The following GMDS variants were observed in gnomAD, a reference collection of about 807,000 sequenced individuals.
GMDS encodes GDP-mannose 4,6-dehydratase.
Under a neutral mutation model 49.9 loss-of-function variants are expected in GMDS, and 20 were observed. That is an observed-to-expected ratio of 0.40 (90% CI 0.28 to 0.58). The LOEUF is 0.58. GMDS is among the 20% of genes least tolerant of loss of function. GMDS has a pLI of 0.42. For synonymous variants in GMDS, 177 were observed against 178.6 expected, an observed-to-expected ratio of 0.99 and a Z score of 0.07; for missense variants, 362 against 481.4, an observed-to-expected ratio of 0.75 and a Z score of 2.32.
intron 4 of GMDS, among the ~76,000 whole-genome samples, chr6:2,038,962 G>C (rs561946194): frequency 6.6e-6 from 1 of 152,294 alleles, no homozygotes; most frequent in East Asian, 1.9e-4. Flanking sequence ...CATAACAGCG[G>C]GGATACATTC....
At chr6:1,758,717 C>A (rs1768049335) in intron 7 of GMDS, among the ~76,000 whole-genome samples, 1 of 152,190 alleles carries the variant, frequency 6.6e-6, no homozygotes, top group African/African-American at 2.4e-5. Context: ...AACTCTGTGT[C>A]TAGAGCTTGG....
At chr6:1,651,305 G>A (rs895693901) in intron 9 of GMDS, among the ~76,000 whole-genome samples, 2 of 152,224 alleles carry the variant, frequency 1.3e-5, no homozygotes, top group East Asian at 1.9e-4. Flanking sequence ...TGGTGTGAGG[G>A]AGCAGCCTGG....
At chr6:2,213,674 C>T (rs190057986) in intron 1 of GMDS, among the ~76,000 whole-genome samples, 1 of 152,216 alleles carries the variant, frequency 6.6e-6, no homozygotes, top group East Asian at 1.9e-4. Flanking sequence ...AACTAACCCA[C>T]ATAAGGAGAA....
intron 7 of GMDS, among the ~76,000 whole-genome samples, chr6:1,891,783 C>A (rs1759882545): frequency 6.6e-6 from 1 of 152,174 alleles, no homozygotes; most frequent in Non-Finnish European, 1.5e-5. Flanking sequence ...AGTGTTTTAA[C>A]AAGACTACCA....
intron 7 of GMDS, among the ~76,000 whole-genome samples, chr6:1,746,668 G>A (rs75827891): frequency 6.6e-6 from 1 of 150,850 alleles, no homozygotes; most frequent in African/African-American, 2.5e-5. Context: ...CCAATTTGGA[G>A]AAGTAAAAAT....
chr6:2,112,181 T>A (rs1476946107), intron 4 of GMDS, among the ~76,000 whole-genome samples: 10 of 152,244 alleles, frequency 6.6e-5, no homozygotes, highest in Non-Finnish European at 1.3e-4. Flanking sequence ...CTATGTACAA[T>A]TCAGAAAAAG....
At chr6:1,668,499 C>G (rs1764304797) in intron 9 of GMDS, among the ~76,000 whole-genome samples, 1 of 152,128 alleles carries the variant, frequency 6.6e-6, no homozygotes, top group Non-Finnish European at 1.5e-5. Flanking sequence ...CACCTGAGGT[C>G]AGAAGTTTGA....
chr6:1,829,814 C>G (rs920412081), intron 7 of GMDS, among the ~76,000 whole-genome samples: 2 of 152,194 alleles, frequency 1.3e-5, no homozygotes, highest in South Asian at 4.1e-4. Context: ...ATATTCCAAG[C>G]CACTTTATAC....
chr6:1,749,827 C>A (rs1767653651), intron 7 of GMDS, among the ~76,000 whole-genome samples: 1 of 152,010 alleles, frequency 6.6e-6, no homozygotes, highest in South Asian at 2.1e-4. Flanking sequence ...GTATCTGTCT[C>A]AAATACTTTT....
intron 7 of GMDS, among the ~76,000 whole-genome samples, chr6:1,894,009 G>A (rs775933309): frequency 2.0e-5 from 3 of 152,192 alleles, no homozygotes; most frequent in Non-Finnish European, 2.9e-5. Context: ...GGAAGGCACA[G>A]TTGGGAAAGT....
chr6:1,990,166 C>T (rs544757778), intron 4 of GMDS, among the ~76,000 whole-genome samples: 3 of 152,208 alleles, frequency 2.0e-5, no homozygotes, highest in South Asian at 4.2e-4. Context: ...CATGGTGGCA[C>T]GTGCCTGTAG....
chr6:1,942,308 C>T (rs996639102), intron 6 of GMDS, among the ~76,000 whole-genome samples: 3 of 152,144 alleles, frequency 2.0e-5, no homozygotes, highest in Admixed American at 1.3e-4. Flanking sequence ...AAATAATTCC[C>T]CATCCCAGCC....
At chr6:1,642,192 A>T (rs1763352607) in intron 9 of GMDS, among the ~76,000 whole-genome samples, 1 of 133,204 alleles carries the variant, frequency 7.5e-6, no homozygotes. Context: ...AAAAAAATAG[A>T]GTCTCACTCT....
At chr6:2,056,688 A>G (rs1040283289) in intron 4 of GMDS, among the ~76,000 whole-genome samples, 2 of 152,196 alleles carry the variant, frequency 1.3e-5, no homozygotes, top group East Asian at 1.9e-4. Context: ...ATATGCACAT[A>G]CTTTAATGCT....
At chr6:1,995,137 G>C (rs2127369748) in intron 4 of GMDS, among the ~76,000 whole-genome samples, 1 of 152,264 alleles carries the variant, frequency 6.6e-6, no homozygotes, top group South Asian at 2.1e-4. Flanking sequence ...GGGAGAAATG[G>C]GGCAGCAGAA....
chr6:1,772,891 C>T (rs1768637774), intron 7 of GMDS, among the ~76,000 whole-genome samples: 1 of 152,214 alleles, frequency 6.6e-6, no homozygotes, highest in African/African-American at 2.4e-5. Flanking sequence ...ATTCCTCATG[C>T]TTAAGCTGAA....
chr6:2,086,343 C>A (rs1209720583), intron 4 of GMDS, among the ~76,000 whole-genome samples: 4 of 152,222 alleles, frequency 2.6e-5, no homozygotes, highest in South Asian at 2.1e-4. Context: ...TGTGCTAACA[C>A]ACAAGTCAAA....
In GMDS at chr6:2,191,040, G is replaced by A. The variant is rs371071057; in HGVS notation, c.102+54281C>T. ...GAGGCAGCACTGGGGGACCCAGGGC[G>A]GGAGGGGGAAATGGGAGCAGTGCCC... On this transcript the variant is annotated intron_variant, in intron 1 of 10. Transcript: ENST00000380815. The surrounding 1 kb of genome is among the most constrained non-coding windows in gnomAD (Gnocchi z 4.6). Among the ~76,000 whole-genome samples, 27 of 152,114 alleles carry A rather than the reference G, an allele frequency of 1.8e-4. No homozygotes were observed. The highest frequency in any genetic ancestry group is 3.9e-4 in the East Asian group (2 of 5,184).
At chr6:2,086,833 G>A (rs1412950205) in intron 4 of GMDS, among the ~76,000 whole-genome samples, 10 of 152,136 alleles carry the variant, frequency 6.6e-5, no homozygotes, top group Admixed American at 6.5e-5. Flanking sequence ...GACTATAATA[G>A]TTTTCCTTTT....
Sources: allele counts gnomAD v4.1 joint callset (sites outside exome capture counted in the v4.1 genomes callset), GRCh38; gene constraint gnomAD v4.1.1; non-coding constraint Gnocchi (gnomAD v3.1); transcripts MANE v1.5; gene names NCBI Gene and HGNC (gene_info 2026-07-23, HGNC 2026-07-21).